The following ANOS1 variants were observed in gnomAD, a reference collection of about 807,000 sequenced individuals.
ANOS1 encodes anosmin-1.
A neutral mutation model predicts 59.0 loss-of-function variants in ANOS1; 6 were observed. That is an observed-to-expected ratio of 0.10 (90% CI 0.06 to 0.20). ANOS1 has a LOEUF of 0.20. ANOS1 is among the 10% of genes least tolerant of loss of function. The pLI, the probability that ANOS1 is intolerant of heterozygous loss-of-function variation, is 1.00. For missense variants in ANOS1, 433 were observed against 542.3 expected, an observed-to-expected ratio of 0.80 and a Z score of 2.00; for synonymous variants, 217 against 223.4, an observed-to-expected ratio of 0.97 and a Z score of 0.25.
intron 2 of ANOS1, among the ~76,000 whole-genome samples, chrX:8,652,989 G>C (rs1007415258): frequency 1.8e-5 from 2 of 110,488 alleles, no homozygotes; most frequent in Non-Finnish European, 3.8e-5. Flanking sequence ...CCGAGTAGCT[G>C]AGACTACAGG....
intron 1 of ANOS1, among the ~76,000 whole-genome samples, chrX:8,714,852 T>TA (rs1932832959): frequency 8.9e-6 from 1 of 112,387 alleles, no homozygotes; most frequent in African/African-American, 3.2e-5. Flanking sequence ...TGTTATTCAT[T>TA]AAAGAGTGCA....
At chrX:8,625,985 G>C (rs1414235947) in intron 2 of ANOS1, among the ~76,000 whole-genome samples, 1 of 107,208 alleles carries the variant, frequency 9.3e-6, no homozygotes, top group Non-Finnish European at 1.9e-5. Flanking sequence ...GGTGGTGGGC[G>C]CCTGTAGTCC....
intron 1 of ANOS1, among the ~76,000 whole-genome samples, chrX:8,728,503 G>T (rs369631639): frequency 1.8e-3 from 206 of 111,648 alleles, no homozygotes; most frequent in African/African-American, 6.2e-3. Flanking sequence ...CATTCGCGAC[G>T]CTACAGAGCC....
intron 3 of ANOS1, among the ~76,000 whole-genome samples, chrX:8,600,848 T>C: frequency 8.9e-6 from 1 of 112,329 alleles, no homozygotes; most frequent in East Asian, 2.8e-4. Flanking sequence ...AATACTTAGT[T>C]ACCAAAATCA....
chrX:8,534,838 T>C (rs1929563080), intron 12 of ANOS1, among the ~76,000 whole-genome samples: 1 of 112,089 alleles, frequency 8.9e-6, no homozygotes, highest in South Asian at 3.7e-4. Flanking sequence ...AGTCCAAATT[T>C]CAGTGAATGA....
intron 6 of ANOS1, among the ~76,000 whole-genome samples, chrX:8,582,307 T>C (rs1930439582): frequency 8.9e-6 from 1 of 112,373 alleles, no homozygotes; most frequent in Non-Finnish European, 1.9e-5. Context: ...GATATTTGTA[T>C]AAAGAAGGTG....
intron 1 of ANOS1, among the ~76,000 whole-genome samples, chrX:8,728,605 C>CATAT (rs941340882): frequency 2.7e-5 from 3 of 111,958 alleles, no homozygotes; most frequent in Non-Finnish European, 5.6e-5. Context: ...GCTAACCGCA[C>CATAT]ATATGTATTC....
At chrX:8,686,583 T>C (rs896845138) in intron 2 of ANOS1, among the ~76,000 whole-genome samples, 3 of 111,889 alleles carry the variant, frequency 2.7e-5, no homozygotes, top group Non-Finnish European at 5.6e-5. Context: ...AACTGCAAAA[T>C]CCACAGTATC....
chrX:8,543,523 T>A (rs1427011573), intron 9 of ANOS1, among the ~76,000 whole-genome samples: 1 of 111,161 alleles, frequency 9.0e-6, no homozygotes, highest in Non-Finnish European at 1.9e-5. Flanking sequence ...GAGCTTGTAT[T>A]TTAGGTTATG....
chrX:8,615,557 AAAG>A (rs200918371), intron 3 of ANOS1, among the ~76,000 whole-genome samples: 36 of 101,208 alleles, frequency 3.6e-4, no homozygotes, highest in South Asian at 9.1e-4. Flanking sequence ...AAAAAAAAAA[AAAG>A]AAAAGAAAAG....
At chrX:8,566,605 C>T (rs769624175) in intron 8 of ANOS1, among the ~76,000 whole-genome samples, 40 of 110,747 alleles carry the variant, frequency 3.6e-4, no homozygotes, top group African/African-American at 1.1e-3. Flanking sequence ...AATTTCAATG[C>T]GATGGGTAGA....
chrX:8,692,454 T>C (rs1932622822), intron 2 of ANOS1, among the ~76,000 whole-genome samples: 1 of 110,918 alleles, frequency 9.0e-6, no homozygotes, highest in Non-Finnish European at 1.9e-5. Flanking sequence ...AAAAGGATGA[T>C]GGGATTCAGG....
At chrX:8,718,180 G>A (rs2146909725) in intron 1 of ANOS1, among the ~76,000 whole-genome samples, 1 of 111,776 alleles carries the variant, frequency 8.9e-6, no homozygotes, top group Admixed American at 9.5e-5. Flanking sequence ...GATTTTAAAG[G>A]CAAAGTTCTA....
At chrX:8,604,670 A>G (rs1930906376) in intron 3 of ANOS1, among the ~76,000 whole-genome samples, 1 of 112,230 alleles carries the variant, frequency 8.9e-6, no homozygotes, top group Non-Finnish European at 1.9e-5. Flanking sequence ...GAGACCACTG[A>G]GGGTAACTAA....
intron 7 of ANOS1, among the ~76,000 whole-genome samples, chrX:8,569,587 A>G (rs1930189900): frequency 8.9e-6 from 1 of 111,973 alleles, no homozygotes; most frequent in Admixed American, 9.4e-5. Context: ...GCTTGCAGTG[A>G]GCCGAGATTG....
At chrX:8,645,802 C>G (rs1269345055) in intron 2 of ANOS1, among the ~76,000 whole-genome samples, 1 of 111,606 alleles carries the variant, frequency 9.0e-6, no homozygotes, top group Non-Finnish European at 1.9e-5. Flanking sequence ...AACTAAGGCG[C>G]CTGCCACCGC....
At chrX:8,729,462 G>GA (rs1245141421) in intron 1 of ANOS1, among the ~76,000 whole-genome samples, 8 of 82,685 alleles carry the variant, frequency 9.7e-5, no homozygotes, top group African/African-American at 3.4e-4. Context: ...GCAGTGGTGT[G>GA]ATCTCGGCTC....
At chrX:8,684,759 GGGAAACACTGTT>G (rs1385374502) in intron 2 of ANOS1, among the ~76,000 whole-genome samples, 5 of 109,124 alleles carry the variant, frequency 4.6e-5, no homozygotes, top group Non-Finnish European at 9.5e-5. Flanking sequence ...AGTTTCTCTT[GGGAAACACTGTT>G]CATTCATCTG....
intron 9 of ANOS1, among the ~76,000 whole-genome samples, chrX:8,549,993 A>G (rs774198042): frequency 8.9e-6 from 1 of 111,797 alleles, no homozygotes; most frequent in East Asian, 2.8e-4. Context: ...TGAAACTCTC[A>G]GCCAGTTTTA....
Sources: gnomAD v4.1 joint callset for allele counts (sites outside exome capture counted in the v4.1 genomes callset) on GRCh38, gnomAD v4.1.1 for gene constraint, MANE v1.5 for transcripts, NCBI Gene and HGNC (gene_info 2026-07-23, HGNC 2026-07-21) for gene names.